Variants in DLL4 observed in about 807,000 individuals in gnomAD.
DLL4 encodes delta like canonical Notch ligand 4, also known as delta-like protein 4.
DLL4 carries 7 observed loss-of-function variants against 73.6 expected under a neutral mutation model. The observed-to-expected ratio is 0.10, with a 90% CI of 0.05 to 0.18. The LOEUF (loss-of-function observed/expected upper bound fraction) is 0.18, where lower values mean the gene tolerates loss of function less well. Among genes scored for constraint, DLL4 ranks in the 10% least tolerant of loss-of-function variants. The pLI, the probability that DLL4 is intolerant of heterozygous loss-of-function variation, is 1.00. For missense variants in DLL4, 614 were observed against 929.9 expected (o/e 0.66, Z 4.42); for synonymous variants, 345 against 374.3 (o/e 0.92, Z 0.90).
chr15:40,934,513 G>A, intron 6 of DLL4, 35 bp from the exon 7 acceptor site: 1 of 1,607,544 alleles, frequency 6.2e-7, no homozygotes, highest in Non-Finnish European at 8.5e-7. Flanking sequence ...TGCATTCCCT[G>A]GCCCTGCTCA....
At position 40,930,543 on chromosome 15, in the gene DLL4, T is replaced by G; in HGVS notation, c.337-82T>G. ...AACTGAATCCTGCAATTAGATTAATTAAACAGGCTGCCGCAAGGCACCCCC... is the reference window on the plus strand; with the variant it reads ...AACTGAATCCTGCAATTAGATTAATGAAACAGGCTGCCGCAAGGCACCCCC... On this transcript the variant is annotated intron_variant, in intron 2 of 10. Transcript: ENST00000249749. This position sits in a 1 kb window ranked among gnomAD's most constrained non-coding sequence, Gnocchi z 5.7. The G allele has an allele frequency of 1.7e-6, 2 of 1,147,512 alleles. No individual in the cohort carries two copies. Among genetic ancestry groups the G allele is most frequent in the South Asian group, 1.3e-5 (1 of 77,186 alleles). The allele number at this position is 1,147,512 out of a possible 1,614,324, so 71.1% of individuals were successfully genotyped here.
Position 40,929,874 on chromosome 15 carries a change from C to A in DLL4, c.94C>A (p.Leu32Met). The A allele has an allele frequency of 6.2e-7, 1 of 1,612,528 alleles. No homozygotes were observed. The highest frequency in any genetic ancestry group is 8.5e-7 in the Non-Finnish European group (1 of 1,179,662). ...CGCGGCCGGCTCCGGCGTCTTCCAG[C>A]TGCAGCTGCAGGAGTTCATCAACGA... ...QRAAGSGVFQ[L>M]QLQEFINERG... The change falls in exon 2 of 11, where the codon CTG (leucine) becomes ATG (methionine). Residue 32 changes from leucine to methionine, a missense_variant. Leu to Met is a conservative substitution (Grantham distance 15). This residue lies in a region of DLL4 where 227 missense variants were observed against 370.8 expected (regional missense o/e 0.61). Coordinates refer to ENST00000249749, the MANE Select transcript of DLL4 (RefSeq NM_019074.4). The surrounding 1 kb of genome is among the most constrained non-coding windows in gnomAD (Gnocchi z 7.1).
chr15:40,930,222 C>T lies in DLL4; in HGVS notation c.336+106C>T, dbSNP rs1302351413. Reference sequence around the variant, plus strand: ...TTCCTTGTACACACACCCCCACCCCCAAAAAGCCCAGGATGCATTCTTTCC... The same window carrying T: ...TTCCTTGTACACACACCCCCACCCCTAAAAAGCCCAGGATGCATTCTTTCC... On this transcript the variant is annotated intron_variant, in intron 2 of 10. Transcript: ENST00000249749. The surrounding 1 kb of genome is among the most constrained non-coding windows in gnomAD (Gnocchi z 5.7). 3 of 1,368,924 alleles carry T rather than the reference C, an allele frequency of 2.2e-6. No homozygotes were observed. Among genetic ancestry groups the T allele is most frequent in the African/African-American group, 1.4e-5 (1 of 69,034 alleles). 84.8% of individuals were successfully genotyped at this position (1,368,924 alleles called of 1,614,324 possible).
In DLL4 at chr15:40,929,937, G is replaced by A. The variant is rs774844925; in HGVS notation, c.157G>A (p.Gly53Ser). ...VLASGRPCEP[G>S]CRTFFRVCLK... Reference sequence around the variant, plus strand: ...GGCCAGTGGGCGGCCTTGCGAGCCCGGCTGCCGGACTTTCTTCCGCGTCTG... The same window carrying A: ...GGCCAGTGGGCGGCCTTGCGAGCCCAGCTGCCGGACTTTCTTCCGCGTCTG... Residue 53 changes from glycine to serine, a missense_variant, in exon 2 of 11, where the codon GGC (glycine) becomes AGC (serine). By Grantham distance (56) the Gly-to-Ser change is moderately conservative. Around this residue, in one of 3 missense-constraint regions of DLL4, gnomAD observed 227 missense variants for 370.8 expected, o/e 0.61. Coordinates refer to ENST00000249749, the MANE Select transcript of DLL4 (RefSeq NM_019074.4). This position sits in a 1 kb window ranked among gnomAD's most constrained non-coding sequence, Gnocchi z 7.1. 5.0e-6 allele frequency: 8 copies of A among 1,613,096 alleles called. 1 individual carries two copies. In the South Asian group the frequency reaches 5.5e-5, roughly 11 times the overall value.
In DLL4 at chr15:40,929,592, G is replaced by C. The variant is rs1892733533; in HGVS notation, c.-77G>C. ...CTCTTTTCAGGGACCCCGCCGGCTG[G>C]CGGACGCGCGGGAAAGCGGCGTCGC... is the stretch of plus-strand genomic sequence containing the variant. On this transcript the variant is annotated 5_prime_UTR_variant, in exon 1 of 11. Coordinates refer to ENST00000249749, the MANE Select transcript of DLL4 (RefSeq NM_019074.4). The surrounding 1 kb of genome is among the most constrained non-coding windows in gnomAD (Gnocchi z 7.1). The C allele has an allele frequency of 2.2e-6, 3 of 1,357,406 alleles. No homozygotes were observed. Among genetic ancestry groups the C allele is most frequent in the Non-Finnish European group, 2.9e-6 (3 of 1,028,210 alleles). The allele number at this position is 1,357,406 out of a possible 1,614,324, so 84.1% of individuals were successfully genotyped here.
intron 6 of DLL4, 131 bp downstream of exon 6, chr15:40,932,578 T>C: frequency 1.6e-6 from 2 of 1,252,584 alleles, no homozygotes; most frequent in South Asian, 2.8e-5. Flanking sequence ...CTTCCAAGGA[T>C]CTTGGGTCTT....
rs1892732489 is a variant in DLL4 at position 40,929,565 on chromosome 15, G to A, written c.-104G>A. 1.9e-6 allele frequency: 2 copies of A among 1,078,214 alleles called. No individual in the cohort carries two copies. The highest frequency in any genetic ancestry group is 1.6e-5 in the African/African-American group (1 of 62,172). 66.8% of individuals were successfully genotyped at this position (1,078,214 alleles called of 1,614,324 possible). ...AGGGGAGCAGCGTCCCGAGAGGAGC[G>A]CCTCTTTTCAGGGACCCCGCCGGCT... On this transcript the variant is annotated 5_prime_UTR_variant, in exon 1 of 11. Coordinates refer to ENST00000249749, the MANE Select transcript of DLL4 (RefSeq NM_019074.4). This position sits in a 1 kb window ranked among gnomAD's most constrained non-coding sequence, Gnocchi z 7.1.
chr15:40,934,498 G>A lies in DLL4; in HGVS notation c.851-50G>A, dbSNP rs1030391094. ...AACATGGACTGCAAGGAGCCTGGAG[G>A]TGAGTGCATTCCCTGGCCCTGCTCA... is the stretch of plus-strand genomic sequence containing the variant. On this transcript the variant is annotated intron_variant, in intron 6 of 10. Transcript: ENST00000249749. The A allele has an allele frequency of 3.1e-6, 5 of 1,591,326 alleles. No homozygotes were observed. In the Admixed American group the frequency reaches 5.1e-5, roughly 16 times the overall value.
rs1277986786 is a variant in DLL4, at chr15:40,934,536, C to A, written c.851-12C>A. On this transcript the variant is annotated splice_polypyrimidine_tract_variant and intron_variant, in intron 6 of 10. Transcript: ENST00000249749. ...CTGGCCCTGCTCAGCTGCTTGGTTC[C>A]TGTTTCTGCAGATCTCAACTACTGC... 2 of 1,612,932 alleles carry A rather than the reference C, an allele frequency of 1.2e-6. No homozygotes were observed. Among genetic ancestry groups the A allele is most frequent in the African/African-American group, 1.3e-5 (1 of 74,864 alleles).
In DLL4 at chr15:40,929,407, G is replaced by C. The variant is rs1892729770; in HGVS notation, c.-262G>C. 3 of 487,488 alleles carry C rather than the reference G, an allele frequency of 6.2e-6. No individual in the cohort carries two copies. The East Asian group carries it at 1.0e-4, about 16-fold the overall frequency. 30.2% of individuals were successfully genotyped at this position (487,488 alleles called of 1,614,324 possible). A position where few individuals can be genotyped will look rare whatever the true frequency, so the allele number is the denominator to read the frequency against. ...CCGCAGCCCCAGCCGCCTTGGTGCA[G>C]CGTACACCGGCACTAGCCCGCTTGC... On this transcript the variant is annotated 5_prime_UTR_variant, in exon 1 of 11. Coordinates refer to ENST00000249749, the MANE Select transcript of DLL4 (RefSeq NM_019074.4). The surrounding 1 kb of genome is among the most constrained non-coding windows in gnomAD (Gnocchi z 7.1).
chr15:40,937,195 C>CT (rs1406494710), intron 9 of DLL4, among the ~76,000 whole-genome samples: 2 of 152,198 alleles, frequency 1.3e-5, no homozygotes, highest in Non-Finnish European at 2.9e-5. Flanking sequence ...GCAGCACTGG[C>CT]TTTATGCAGG....
rs749019585 is a variant in DLL4, at chr15:40,929,741, C to T, written c.66+7C>T. 2 of 1,599,462 alleles carry T rather than the reference C, an allele frequency of 1.3e-6. No individual in the cohort carries two copies. The highest frequency in any genetic ancestry group is 1.7e-6 in the Non-Finnish European group (2 of 1,176,858). ...GGTGGCACTTTGGCAGCAGGTAACACGTCCCGCGCCCTCTCCGTCCCCTCT... is the reference window on the plus strand; with the variant it reads ...GGTGGCACTTTGGCAGCAGGTAACATGTCCCGCGCCCTCTCCGTCCCCTCT... On this transcript the variant is annotated splice_region_variant and intron_variant, in intron 1 of 10. Coordinates refer to ENST00000249749, the MANE Select transcript of DLL4 (RefSeq NM_019074.4). The surrounding 1 kb of genome is among the most constrained non-coding windows in gnomAD (Gnocchi z 7.1).
intron 10 of DLL4, 51 bp downstream of exon 10, chr15:40,937,577 C>A: frequency 1.5e-6 from 2 of 1,353,206 alleles, no homozygotes; most frequent in Non-Finnish European, 2.1e-6. Context: ...GGGAAAGTGG[C>A]CTGGTCACTC....
Position 40,930,583 on chromosome 15 carries a change from G to T in DLL4, c.337-42G>T, listed in dbSNP as rs1892753067. 1 of 1,575,264 alleles carries T rather than the reference G, an allele frequency of 6.3e-7. No homozygotes were observed. Among genetic ancestry groups the T allele is most frequent in the Non-Finnish European group, 8.7e-7 (1 of 1,146,422 alleles). ...AAGGCACCCCCACCTCTCCCCGCTT[G>T]CTCATCTCGCCATCTCTCCGTCCCC... is the stretch of plus-strand genomic sequence containing the variant. On this transcript the variant is annotated intron_variant, in intron 2 of 10. Coordinates refer to ENST00000249749, the MANE Select transcript of DLL4 (RefSeq NM_019074.4). This position sits in a 1 kb window ranked among gnomAD's most constrained non-coding sequence, Gnocchi z 5.7.
rs1344987716 is a variant in DLL4, at chr15:40,936,828, A to G, written c.1841A>G (p.Asp614Gly). The change falls in exon 9 of 11, where the codon GAC becomes GGC. Residue 614 changes from aspartate (D) to glycine (G), a missense_variant. Physicochemically the swap from Asp to Gly is moderately conservative, Grantham distance 94. Coordinates refer to ENST00000249749, the MANE Select transcript of DLL4 (RefSeq NM_019074.4). ...NCGKQQNHTLDYNLAPGPLGR... is the reference protein window; with the variant it reads ...NCGKQQNHTLGYNLAPGPLGR... Reference sequence around the variant, plus strand: ...GGCAAACAGCAAAACCACACATTGGACTATAATCTGGCCCCAGGGCCCCTG... The same window carrying G: ...GGCAAACAGCAAAACCACACATTGGGCTATAATCTGGCCCCAGGGCCCCTG... 2 of 1,613,456 alleles carry G rather than the reference A, an allele frequency of 1.2e-6. No individual in the cohort carries two copies. Among genetic ancestry groups the G allele is most frequent in the South Asian group, 1.1e-5 (1 of 91,074 alleles).
At position 40,930,687 on chromosome 15, in the gene DLL4, G is replaced by A. The variant is rs376907348; in HGVS notation, c.394+5G>A. The stretch of plus-strand genomic sequence containing the variant: ...CAGGAGACGACCTGCGGCCAGGTGA[G>A]TAGCTCGCTCCGCCACCACAGGGGG... On this transcript the variant is annotated splice_donor_5th_base_variant and intron_variant, in intron 3 of 10. Coordinates refer to ENST00000249749, the MANE Select transcript of DLL4 (RefSeq NM_019074.4). This position sits in a 1 kb window ranked among gnomAD's most constrained non-coding sequence, Gnocchi z 5.7. 6.2e-7 allele frequency: 1 copy of A among 1,613,410 alleles called. No individual in the cohort carries two copies. The highest frequency in any genetic ancestry group is 8.5e-7 in the Non-Finnish European group (1 of 1,179,738).
chr15:40,933,268 T>TG (rs1892794772), intron 6 of DLL4, among the ~76,000 whole-genome samples: 2 of 147,344 alleles, frequency 1.4e-5, no homozygotes, highest in Admixed American at 6.7e-5. Flanking sequence ...AGTCCCTGTG[T>TG]TGTGTGTGTG....
In DLL4 at chr15:40,935,137, T is replaced by C. The variant is rs759142521; in HGVS notation, c.1240+20T>C. ...CCAACGGTGCGTGCTGCTGCCCTGC[T>C]AACCTGGTGGACTGGCCCTGGGGCT... On this transcript the variant is annotated intron_variant, in intron 8 of 10. Transcript: ENST00000249749. 130 of 1,602,584 alleles carry C rather than the reference T, an allele frequency of 8.1e-5. No individual in the cohort carries two copies. The highest frequency in any genetic ancestry group is 1.1e-4 in the Non-Finnish European group (129 of 1,176,238).
At position 40,931,596 on chromosome 15, in the gene DLL4, C is replaced by T. The variant is rs1265549771; in HGVS notation, c.488C>T (p.Thr163Ile). Residue 163 changes from threonine (T) to isoleucine (I), a missense_variant, in exon 4 of 11, where the codon ACC becomes ATC. By Grantham distance (89) the Thr-to-Ile change is moderately conservative. Around this residue, in one of 3 missense-constraint regions of DLL4, gnomAD observed 227 missense variants for 370.8 expected, o/e 0.61. Transcript: ENST00000249749. ...TGGTTATTGGATGAGCAAACCAGCA[C>T]CCTCACAAGGCTGCGCTACTCTTAC... ...QNWLLDEQTSTLTRLRYSYRV... is the reference protein window; with the variant it reads ...QNWLLDEQTSILTRLRYSYRV... The T allele has an allele frequency of 1.9e-6, 3 of 1,613,050 alleles. No homozygotes were observed.
Sources: gnomAD v4.1 joint callset for allele counts (sites outside exome capture counted in the v4.1 genomes callset) on GRCh38, gnomAD v4.1.1 for gene constraint, gnomAD v4.1.1 regional missense constraint, Gnocchi (gnomAD v3.1) non-coding constraint, MANE v1.5 for transcripts, NCBI Gene and HGNC (gene_info 2026-07-23, HGNC 2026-07-21) for gene names.